SEPTIN8: variants seen among roughly 807,000 people sequenced by gnomAD.
SEPTIN8 encodes septin-8.
Under a neutral mutation model 53.1 loss-of-function variants are expected in SEPTIN8, and 22 were observed. The observed-to-expected ratio is 0.41, with a 90% CI of 0.30 to 0.59. SEPTIN8 has a LOEUF of 0.59. Among genes scored for constraint, SEPTIN8 ranks in the 20% least tolerant of loss-of-function variants. The pLI, the probability that SEPTIN8 is intolerant of heterozygous loss-of-function variation, is 0.24. For synonymous variants in SEPTIN8, 228 were observed against 248.4 expected (o/e 0.92, Z 0.77); for missense variants, 536 against 638.7 (o/e 0.84, Z 1.73).
Position 132,765,526 on chromosome 5 carries a change from C to T in SEPTIN8, c.34G>A (p.Ala12Thr). ...AATDLERFSN[A>T]EPEPRSLSLG... ...GAGAGGCTCCGGGGCTCTGGCTCTG[C>T]ATTCTGCCAAGAGAGAAATAAAGCA... is the stretch of plus-strand genomic sequence containing the variant. The change falls in exon 2 of 10, where the codon GCA (alanine) becomes ACA (threonine). Residue 12 changes from alanine to threonine, a missense_variant. Physicochemically the swap from Ala to Thr is moderately conservative, Grantham distance 58. This residue lies in a region of SEPTIN8 where 395 missense variants were observed against 451.8 expected (regional missense o/e 0.87). Transcript: ENST00000378719. 6.3e-7 allele frequency: 1 copy of T among 1,593,158 alleles called. No individual in the cohort carries two copies. The highest frequency in any genetic ancestry group is 8.5e-7 in the Non-Finnish European group (1 of 1,172,034).
chr5:132,751,000 G>T lies in SEPTIN8; in HGVS notation c.*1016C>A. On this transcript the variant is annotated 3_prime_UTR_variant, in exon 10 of 10. Coordinates refer to ENST00000378719, the MANE Select transcript of SEPTIN8 (RefSeq NM_001098811.2). ...CGCCGCTGGACTTCTTGACTATAGTGAGTAAGGAGGTGTTTACAGAGTCTA... is the reference window on the plus strand; with the variant it reads ...CGCCGCTGGACTTCTTGACTATAGTTAGTAAGGAGGTGTTTACAGAGTCTA... The T allele has an allele frequency of 1.2e-6, 2 of 1,612,322 alleles. No homozygotes were observed. The highest frequency in any genetic ancestry group is 1.1e-5 in the South Asian group (1 of 90,448).
upstream of SEPTIN8, among the ~76,000 whole-genome samples, chr5:132,779,332 A>C (rs1209621235): frequency 2.0e-5 from 3 of 152,196 alleles, no homozygotes; most frequent in Non-Finnish European, 4.4e-5. Context: ...AGATTTTACC[A>C]CAAAAAGATT....
chr5:132,760,459 G>A lies in SEPTIN8; in HGVS notation c.1286+343C>T, dbSNP rs909669967. Among the ~76,000 whole-genome samples, 4 of 152,126 alleles carry A rather than the reference G, an allele frequency of 2.6e-5. No homozygotes were observed. The highest frequency in any genetic ancestry group is 9.7e-5 in the African/African-American group (4 of 41,428). On this transcript the variant is annotated intron_variant, in intron 9 of 9. Coordinates refer to ENST00000378719, the MANE Select transcript of SEPTIN8 (RefSeq NM_001098811.2). This position sits in a 1 kb window ranked among gnomAD's most constrained non-coding sequence, Gnocchi z 5.2. Reference sequence around the variant, plus strand: ...GGGCCACAGCTGCCAAGGGGGCTATGGGAGAGCGAATGGGTGAGCAAGAAA... The same window carrying A: ...GGGCCACAGCTGCCAAGGGGGCTATAGGAGAGCGAATGGGTGAGCAAGAAA...
chr5:132,758,921 C>T (rs534821683), intron 9 of SEPTIN8: 12 of 1,099,916 alleles, frequency 1.1e-5, no homozygotes, highest in Admixed American at 1.7e-5. Context: ...AGATGGACAC[C>T]GTGAAAGGGC....
Position 132,758,392 on chromosome 5 carries a change from A to G in SEPTIN8, c.1286+2410T>C, listed in dbSNP as rs535469405. On this transcript the variant is annotated intron_variant, in intron 9 of 9. Coordinates refer to ENST00000378719, the MANE Select transcript of SEPTIN8 (RefSeq NM_001098811.2). ...ATGAGGGGAACTGGGTGAATTTTGC[A>G]GCATGTATACCAGACCACGCAGCTG... 192 of 1,456,562 alleles carry G rather than the reference A, an allele frequency of 1.3e-4. 4 individuals are homozygous for G. The South Asian group carries it at 2.3e-3, about 18-fold the overall frequency. 90.2% of individuals were successfully genotyped at this position (1,456,562 alleles called of 1,614,324 possible).
Position 132,751,007 on chromosome 5 carries a change from G to A in SEPTIN8, c.*1009C>T. The A allele has an allele frequency of 6.2e-7, 1 of 1,612,130 alleles. No individual in the cohort carries two copies. Among genetic ancestry groups the A allele is most frequent in the Non-Finnish European group, 8.5e-7 (1 of 1,179,530 alleles). On this transcript the variant is annotated 3_prime_UTR_variant, in exon 10 of 10. Transcript: ENST00000378719. ...GGACTTCTTGACTATAGTGAGTAAG[G>A]AGGTGTTTACAGAGTCTACCCTAAA...
At chr5:132,771,151 A>T (rs1211090797) in intron 1 of SEPTIN8, among the ~76,000 whole-genome samples, 1 of 152,210 alleles carries the variant, frequency 6.6e-6, no homozygotes, top group Non-Finnish European at 1.5e-5. Flanking sequence ...CCTCATCACC[A>T]GCCAAGAGGA....
chr5:132,778,188 G>A, upstream of SEPTIN8: 1 of 645,228 alleles, frequency 1.5e-6, no homozygotes, highest in East Asian at 1.4e-4. Context: ...TCTTCCCTCT[G>A]CCTTTCTCTC....
chr5:132,777,373 C>G (rs1757910114), upstream of SEPTIN8: 1 of 1,029,402 alleles, frequency 9.7e-7, no homozygotes, highest in Non-Finnish European at 1.2e-6. The surrounding 1 kb of genome is among the most constrained non-coding windows in gnomAD (Gnocchi z 4.1). Context: ...GGAGCCCCGC[C>G]GCTTGGACGG....
At position 132,765,494 on chromosome 5, in the gene SEPTIN8, G is replaced by A. The variant is rs998663278; in HGVS notation, c.66C>T (p.Gly22=). The change falls in exon 2 of 10, where the codon GGC becomes GGT. Residue 22 remains glycine, a synonymous_variant. Coordinates refer to ENST00000378719, the MANE Select transcript of SEPTIN8 (RefSeq NM_001098811.2). ...AEPEPRSLSL[G]GHVGFDSLPD... The stretch of plus-strand genomic sequence containing the variant: ...GGAGGCTGTCGAAACCCACATGGCC[G>A]CCCAGGGAGAGGCTCCGGGGCTCTG... 6.2e-6 allele frequency: 10 copies of A among 1,611,096 alleles called. No homozygotes were observed. Among genetic ancestry groups the A allele is most frequent in the African/African-American group, 1.3e-5 (1 of 74,754 alleles).
Position 132,761,660 on chromosome 5 carries a change from G to A in SEPTIN8, c.794-34C>T. Reference sequence around the variant, plus strand: ...AGAGGGCCGGTGGGGTATCAGGCAGGCATGCAGGCGGGCACACTCCAGAGT... The same window carrying A: ...AGAGGGCCGGTGGGGTATCAGGCAGACATGCAGGCGGGCACACTCCAGAGT... On this transcript the variant is annotated intron_variant, in intron 6 of 9. Transcript: ENST00000378719. The surrounding 1 kb of genome is among the most constrained non-coding windows in gnomAD (Gnocchi z 5.8). 1.2e-6 allele frequency: 2 copies of A among 1,609,420 alleles called. No homozygotes were observed. Among genetic ancestry groups the A allele is most frequent in the Non-Finnish European group, 1.7e-6 (2 of 1,177,542 alleles).
At position 132,758,601 on chromosome 5, in the gene SEPTIN8, G is replaced by T. The variant is rs778510246; in HGVS notation, c.1286+2201C>A. The T allele has an allele frequency of 1.9e-6, 3 of 1,604,732 alleles. No homozygotes were observed. The East Asian group carries it at 6.8e-5, about 36-fold the overall frequency. ...TCAGTTTTGGATTCCAGCATTCATG[G>T]CTTTTACGTGTTTGCATAGAGAGGG... On this transcript the variant is annotated intron_variant, in intron 9 of 9. Coordinates refer to ENST00000378719, the MANE Select transcript of SEPTIN8 (RefSeq NM_001098811.2).
chr5:132,764,845 C>A (rs536981565), intron 2 of SEPTIN8, among the ~76,000 whole-genome samples: 10 of 152,240 alleles, frequency 6.6e-5, no homozygotes, highest in Non-Finnish European at 1.3e-4. Flanking sequence ...TCAACCCATG[C>A]GCCCCGGACA....
At chr5:132,770,089 G>GTATATATATA (rs201065841) in intron 1 of SEPTIN8, among the ~76,000 whole-genome samples, 1 of 29,176 alleles carries the variant, frequency 3.4e-5, no homozygotes, top group Admixed American at 5.1e-4. Flanking sequence ...ATGTATATAT[G>GTATATATATA]TATATATATA....
At chr5:132,777,917 G>C (rs1757939391), upstream of SEPTIN8, 2 of 985,396 alleles carry the variant, frequency 2.0e-6, no homozygotes, top group Non-Finnish European at 2.4e-6. This position sits in a 1 kb window ranked among gnomAD's most constrained non-coding sequence, Gnocchi z 4.1. Flanking sequence ...AGCGGAGCTC[G>C]ACGGTCAAGG....
chr5:132,765,277 C>T lies in SEPTIN8; in HGVS notation c.151+132G>A, dbSNP rs1581169907. 5 of 1,080,970 alleles carry T rather than the reference C, an allele frequency of 4.6e-6. No homozygotes were observed. In the East Asian group the frequency reaches 1.3e-4, roughly 28 times the overall value. 67.0% of individuals were successfully genotyped at this position (1,080,970 alleles called of 1,614,324 possible). Reference sequence around the variant, plus strand: ...ACTCTGGCAGAGACACCAACCAAATCCTCGTCCTGACACCCCCAAAGTTTC... The same window carrying T: ...ACTCTGGCAGAGACACCAACCAAATTCTCGTCCTGACACCCCCAAAGTTTC... On this transcript the variant is annotated intron_variant, in intron 2 of 9. Transcript: ENST00000378719.
chr5:132,775,798 A>T (rs1377972375), intron 1 of SEPTIN8: 1 of 152,192 alleles, frequency 6.6e-6, no homozygotes, highest in Non-Finnish European at 1.5e-5. Flanking sequence ...CTCCTCCGGT[A>T]CATAAATTCC....
At chr5:132,765,017 G>A (rs1326318684) in intron 2 of SEPTIN8, among the ~76,000 whole-genome samples, 1 of 151,878 alleles carries the variant, frequency 6.6e-6, no homozygotes. Context: ...CATGCGTGCT[G>A]GAGCACTTAC....
chr5:132,758,937 G>C, intron 9 of SEPTIN8: 1 of 986,582 alleles, frequency 1.0e-6, no homozygotes, highest in Non-Finnish European at 1.6e-6. Flanking sequence ...AGGGCAGTCA[G>C]TTTGGCATTT....
Sources: gnomAD v4.1 joint callset for allele counts (sites outside exome capture counted in the v4.1 genomes callset) on GRCh38, gnomAD v4.1.1 for gene constraint, gnomAD v4.1.1 regional missense constraint, Gnocchi (gnomAD v3.1) non-coding constraint, MANE v1.5 for transcripts, NCBI Gene and HGNC (gene_info 2026-07-23, HGNC 2026-07-21) for gene names.